RIMS2: variants seen among roughly 807,000 people sequenced by gnomAD.
RIMS2 encodes the protein regulating synaptic membrane exocytosis 2.
In RIMS2, 59 loss-of-function variants were observed where a neutral mutation model predicts 174.4. That is an observed-to-expected ratio of 0.34 (90% confidence interval 0.27 to 0.42). RIMS2 has a LOEUF of 0.42. Among genes scored for constraint, RIMS2 ranks in the 10% least tolerant of loss-of-function variants. The pLI is 1.00. For missense variants in RIMS2, 1,620 were observed against 1,666.3 expected (o/e 0.97, Z 0.48); for synonymous variants, 606 against 572.5 (o/e 1.06, Z -0.84).
intron 15 of RIMS2, among the ~76,000 whole-genome samples, chr8:103,964,551 A>G (rs948953372): frequency 1.3e-5 from 2 of 152,002 alleles, no homozygotes; most frequent in Non-Finnish European, 2.9e-5. Context: ...AGTTCTCTGT[A>G]TATTTTGGAC....
intron 19 of RIMS2, among the ~76,000 whole-genome samples, chr8:104,154,650 T>C (rs1016923982): frequency 2.0e-5 from 3 of 152,074 alleles, no homozygotes; most frequent in Non-Finnish European, 2.9e-5. Flanking sequence ...GTGGGAACAA[T>C]TGGGTAGGTG....
chr8:104,029,643 A>T (rs923340412), intron 19 of RIMS2, among the ~76,000 whole-genome samples: 17 of 152,304 alleles, frequency 1.1e-4, no homozygotes, highest in South Asian at 2.1e-4. Flanking sequence ...ATTTCAGAAA[A>T]TGCTGTCTGC....
At chr8:103,753,868 T>A (rs1711760036) in intron 2 of RIMS2, among the ~76,000 whole-genome samples, 1 of 152,188 alleles carries the variant, frequency 6.6e-6, no homozygotes, top group African/African-American at 2.4e-5. Context: ...GTCAATCTTT[T>A]AAAAACACCA....
At chr8:103,828,882 G>A (rs2098807768) in intron 3 of RIMS2, among the ~76,000 whole-genome samples, 1 of 152,066 alleles carries the variant, frequency 6.6e-6, no homozygotes, top group South Asian at 2.1e-4. Flanking sequence ...TTGTAGTTGT[G>A]TGGCTTTACT....
Position 103,595,069 on chromosome 8 carries a change from G to A in RIMS2, c.176+94007G>A, listed in dbSNP as rs138564969. On this transcript the variant is annotated intron_variant, in intron 1 of 23. Coordinates refer to ENST00000504942, the Ensembl canonical transcript of RIMS2. The stretch of plus-strand genomic sequence containing the variant: ...CATAAATATAAAATGGATGGTATAT[G>A]CTTCTATAGAATTTAGTGTTATAAT... Among the ~76,000 whole-genome samples the A allele has an allele frequency of 2.0e-3, 300 of 151,838 alleles. 2 individuals carry two copies. Among genetic ancestry groups the A allele is most frequent in the African/African-American group, 6.7e-3 (278 of 41,494 alleles).
chr8:104,158,541 A>G (rs1407844689), intron 19 of RIMS2, among the ~76,000 whole-genome samples: 1 of 152,090 alleles, frequency 6.6e-6, no homozygotes, highest in Non-Finnish European at 1.5e-5. Context: ...CTATTTTTCC[A>G]CATCCTCTCC....
chr8:103,557,076 ATCT>A (rs2090624382), intron 1 of RIMS2, among the ~76,000 whole-genome samples: 1 of 152,188 alleles, frequency 6.6e-6, no homozygotes, highest in Non-Finnish European at 1.5e-5. Flanking sequence ...CAAAATATAA[ATCT>A]TCTGATTCGG....
At chr8:104,190,692 T>C (rs1187138504) in intron 19 of RIMS2, among the ~76,000 whole-genome samples, 1 of 152,152 alleles carries the variant, frequency 6.6e-6, no homozygotes, top group Non-Finnish European at 1.5e-5. Flanking sequence ...CTATCTCCTC[T>C]TTCCCTATAG....
intron 3 of RIMS2, chr8:103,880,634 G>T (rs1392410195): frequency 1.5e-5 from 8 of 516,394 alleles, no homozygotes; most frequent in Non-Finnish European, 2.5e-5. Flanking sequence ...CACTGTTGAT[G>T]TATTTTTGTC....
intron 3 of RIMS2, among the ~76,000 whole-genome samples, chr8:103,806,325 T>A (rs898086667): frequency 1.3e-5 from 2 of 152,176 alleles, no homozygotes; most frequent in Non-Finnish European, 2.9e-5. Flanking sequence ...CCTTTGGATT[T>A]TAAATTCCAA....
At chr8:103,583,535 A>C (rs1454666817) in intron 1 of RIMS2, among the ~76,000 whole-genome samples, 3 of 152,206 alleles carry the variant, frequency 2.0e-5, no homozygotes, top group Non-Finnish European at 4.4e-5. Flanking sequence ...GCTATTTTGA[A>C]ATCAAAGATA....
intron 19 of RIMS2, among the ~76,000 whole-genome samples, chr8:104,017,351 C>T (rs1036929860): frequency 6.6e-6 from 1 of 151,494 alleles, no homozygotes. Flanking sequence ...TTTTCAACAG[C>T]CAAAATATGA....
chr8:103,950,589 A>G (rs1422885611), intron 14 of RIMS2, among the ~76,000 whole-genome samples: 1 of 152,192 alleles, frequency 6.6e-6, no homozygotes, highest in Non-Finnish European at 1.5e-5. Flanking sequence ...TCCAATGTTC[A>G]TCCCTGTAAA....
intron 3 of RIMS2, among the ~76,000 whole-genome samples, chr8:103,833,233 G>A (rs939886362): frequency 8.5e-5 from 13 of 152,108 alleles, no homozygotes; most frequent in Admixed American, 3.3e-4. Context: ...ATGACAAGTC[G>A]TTGGCACTTG....
intron 19 of RIMS2, among the ~76,000 whole-genome samples, chr8:104,105,882 C>CA (rs1157740656): frequency 1.3e-5 from 2 of 150,894 alleles, no homozygotes; most frequent in Non-Finnish European, 3.0e-5. Context: ...ACTAAAAATA[C>CA]AAAAAAATTT....
intron 1 of RIMS2, among the ~76,000 whole-genome samples, chr8:103,693,048 T>A (rs2097051564): frequency 6.6e-6 from 1 of 152,192 alleles, no homozygotes; most frequent in African/African-American, 2.4e-5. Context: ...TTGGTTGAAC[T>A]CTGGTTCCTA....
intron 20 of RIMS2, among the ~76,000 whole-genome samples, chr8:104,245,333 T>A (rs1421346386): frequency 6.6e-6 from 1 of 152,228 alleles, no homozygotes. Context: ...TAAAATATTT[T>A]GCCCTAGCTT....
chr8:103,850,139 A>G lies in RIMS2; in HGVS notation c.699-35159A>G, dbSNP rs559851196. On this transcript the variant is annotated intron_variant, in intron 3 of 23. Transcript: ENST00000504942. ...TTTTCTTTTCACTCACTTTTATTTC[A>G]CTCCAGAAATCATTCTTTATAATTT... 1.7e-4 allele frequency among the ~76,000 whole-genome samples: 26 copies of G among 151,888 alleles called. 1 individual carries two copies. In the East Asian group the frequency reaches 4.3e-3, roughly 25 times the overall value.
chr8:103,575,759 A>G (rs1301258591), intron 1 of RIMS2, among the ~76,000 whole-genome samples: 1 of 151,556 alleles, frequency 6.6e-6, no homozygotes, highest in Non-Finnish European at 1.5e-5. Context: ...TGAGGAAGAG[A>G]CAGTTCCTGA....
Sources: gnomAD v4.1 joint callset for allele counts (sites outside exome capture counted in the v4.1 genomes callset) on GRCh38, gnomAD v4.1.1 for gene constraint, MANE v1.5 for transcripts, NCBI Gene and HGNC (gene_info 2026-07-23, HGNC 2026-07-21) for gene names.